TMPRSS11E: variants seen among roughly 807,000 people sequenced by gnomAD.
TMPRSS11E encodes transmembrane protease serine 11E.
In TMPRSS11E, 38 loss-of-function variants were observed where a neutral mutation model predicts 48.1. The observed-to-expected ratio is 0.79, with a 90% CI of 0.61 to 1.04. TMPRSS11E has a LOEUF of 1.04. Among genes scored for constraint, TMPRSS11E ranks in the 50% least tolerant of loss-of-function variants. TMPRSS11E has a pLI of 0.00. For missense variants in TMPRSS11E, 530 were observed against 510.8 expected (o/e 1.04, Z -0.36); for synonymous variants, 158 against 171.9 (o/e 0.92, Z 0.63).
At position 68,496,564 on chromosome 4, in the gene TMPRSS11E, C is replaced by T. The variant is rs1578149074; in HGVS notation, c.1111-79C>T. ...CTTTTGAAAATTACCCCTTTCATTACATTCTTAAGTTAGAAAAATAGCCAA... is the reference window on the plus strand; with the variant it reads ...CTTTTGAAAATTACCCCTTTCATTATATTCTTAAGTTAGAAAAATAGCCAA... On this transcript the variant is annotated intron_variant, in intron 9 of 9. Coordinates refer to ENST00000305363, the MANE Select transcript of TMPRSS11E (RefSeq NM_014058.4). The T allele has an allele frequency of 3.6e-6, 5 of 1,396,844 alleles. No homozygotes were observed. The East Asian group carries it at 1.2e-4, about 33-fold the overall frequency. 86.5% of individuals were successfully genotyped at this position (1,396,844 alleles called of 1,614,324 possible). A position where few individuals can be genotyped will look rare whatever the true frequency, so the allele number is the denominator to read the frequency against.
At chr4:68,452,747 G>A (rs1465721093) in intron 1 of TMPRSS11E, among the ~76,000 whole-genome samples, 5 of 151,940 alleles carry the variant, frequency 3.3e-5, no homozygotes, top group Non-Finnish European at 7.4e-5. Flanking sequence ...GATAATAAAT[G>A]AACACTTTAA....
At chr4:68,452,454 A>G (rs1205299576) in intron 1 of TMPRSS11E, among the ~76,000 whole-genome samples, 1 of 151,998 alleles carries the variant, frequency 6.6e-6, no homozygotes, top group Non-Finnish European at 1.5e-5. Context: ...GTACTTTACA[A>G]CACTGAGAAT....
chr4:68,463,131 A>G (rs1269888660), intron 2 of TMPRSS11E, among the ~76,000 whole-genome samples: 1 of 152,180 alleles, frequency 6.6e-6, no homozygotes, highest in Non-Finnish European at 1.5e-5. Context: ...TAACCTGGTT[A>G]TCTTCCTCTA....
intron 1 of TMPRSS11E, among the ~76,000 whole-genome samples, chr4:68,453,882 C>T (rs540011615): frequency 3.4e-5 from 5 of 148,478 alleles, no homozygotes; most frequent in Non-Finnish European, 5.9e-5. Context: ...AGCTTGATTA[C>T]GTGTCTTCCA....
chr4:68,488,699 C>T (rs1052510235), intron 9 of TMPRSS11E, among the ~76,000 whole-genome samples: 10 of 151,932 alleles, frequency 6.6e-5, no homozygotes, highest in African/African-American at 9.7e-5. Flanking sequence ...CCACCATGCC[C>T]GGCTAATTTT....
chr4:68,449,742 T>C (rs1728443328), intron 1 of TMPRSS11E, among the ~76,000 whole-genome samples: 2 of 151,806 alleles, frequency 1.3e-5, no homozygotes, highest in African/African-American at 4.8e-5. Flanking sequence ...AAAAGAAATG[T>C]GTAAGCCTGA....
intron 2 of TMPRSS11E, among the ~76,000 whole-genome samples, chr4:68,464,375 C>T (rs937221567): frequency 6.6e-6 from 1 of 152,130 alleles, no homozygotes; most frequent in African/African-American, 2.4e-5. Flanking sequence ...TGGTTCGTGT[C>T]TGGGGCCTTT....
intron 6 of TMPRSS11E, 150 bp downstream of exon 6, chr4:68,474,911 C>T: frequency 3.1e-6 from 2 of 648,276 alleles, no homozygotes; most frequent in Non-Finnish European, 5.1e-6. Context: ...TTTATCATAT[C>T]TTGGAGATAC....
chr4:68,474,681 C>T (rs749442075), intron 5 of TMPRSS11E, 42 bp from the exon 6 acceptor site: 11 of 1,591,428 alleles, frequency 6.9e-6, no homozygotes, highest in Non-Finnish European at 9.4e-6. Flanking sequence ...CATAGTGTAA[C>T]TCTGATGTGC....
intron 9 of TMPRSS11E, among the ~76,000 whole-genome samples, chr4:68,489,445 G>A (rs1349896967): frequency 2.0e-5 from 3 of 152,276 alleles, no homozygotes; most frequent in South Asian, 2.1e-4. Context: ...GCTCACATAC[G>A]TGCTGGTCGT....
At position 68,489,197 on chromosome 4, in the gene TMPRSS11E, C is replaced by A. The variant is rs745894265; in HGVS notation, c.1111-7446C>A. ...GGTATTAGTTGTGCTTAGTTAATTT[C>A]ATTCGTTTTTGGATGATTTCAGGGG... On this transcript the variant is annotated intron_variant, in intron 9 of 9. Coordinates refer to ENST00000305363, the MANE Select transcript of TMPRSS11E (RefSeq NM_014058.4). 1.4e-4 allele frequency among the ~76,000 whole-genome samples: 21 copies of A among 152,234 alleles called. No homozygotes were observed. In the South Asian group the frequency reaches 2.9e-3, roughly 21 times the overall value.
rs1044206325 is a variant in TMPRSS11E, at chr4:68,483,825, G to T, written c.1110+4834G>T. 3.3e-5 allele frequency among the ~76,000 whole-genome samples: 5 copies of T among 152,130 alleles called. No homozygotes were observed. In the East Asian group the frequency reaches 5.8e-4, roughly 18 times the overall value. On this transcript the variant is annotated intron_variant, in intron 9 of 9. Transcript: ENST00000305363. Reference sequence around the variant, plus strand: ...GATTTTTGTATATGGTGAAAGAAAGGGGTTCAGTTTTAATTTTTTGCATAT... The same window carrying T: ...GATTTTTGTATATGGTGAAAGAAAGTGGTTCAGTTTTAATTTTTTGCATAT...
chr4:68,451,257 C>T (rs1728489578), intron 1 of TMPRSS11E, among the ~76,000 whole-genome samples: 1 of 151,818 alleles, frequency 6.6e-6, no homozygotes. Flanking sequence ...TTTGGATCTG[C>T]TCTCATTGAA....
chr4:68,462,802 A>G (rs1342434495), intron 2 of TMPRSS11E, among the ~76,000 whole-genome samples: 1 of 152,170 alleles, frequency 6.6e-6, no homozygotes, highest in Non-Finnish European at 1.5e-5. Context: ...CAAGAAAGCT[A>G]ATTATAAAGA....
At position 68,474,710 on chromosome 4, in the gene TMPRSS11E, CTG is replaced by C; in HGVS notation, c.491-7_491-6del. 1.2e-6 allele frequency: 2 copies of C among 1,606,626 alleles called. No individual in the cohort carries two copies. The highest frequency in any genetic ancestry group is 1.3e-5 in the African/African-American group (1 of 74,600). On this transcript the variant is annotated splice_polypyrimidine_tract_variant and intron_variant, in intron 5 of 9. Transcript: ENST00000305363. ...GATGTGCTGACCCTATTTGCCATTT[CTG>C]TGTGTTTCAGAAATCAACAAGACAG... is the stretch of plus-strand genomic sequence containing the variant.
Position 68,464,731 on chromosome 4 carries a change from A to C in TMPRSS11E, c.137-1900A>C, listed in dbSNP as rs376878371. Reference sequence around the variant, plus strand: ...TACTAATGGTGATTTTAAATCATTCAATCTAATAAGCCAAAAAACTACATT... The same window carrying C: ...TACTAATGGTGATTTTAAATCATTCCATCTAATAAGCCAAAAAACTACATT... On this transcript the variant is annotated intron_variant, in intron 2 of 9. Coordinates refer to ENST00000305363, the MANE Select transcript of TMPRSS11E (RefSeq NM_014058.4). Among the ~76,000 whole-genome samples the C allele has an allele frequency of 9.6e-4, 146 of 152,322 alleles. 3 individuals carry two copies. The South Asian group carries it at 0.029, about 31-fold the overall frequency.
chr4:68,481,594 G>C (rs1447789500), intron 9 of TMPRSS11E, among the ~76,000 whole-genome samples: 1 of 152,116 alleles, frequency 6.6e-6, no homozygotes, highest in Non-Finnish European at 1.5e-5. Context: ...TTGGCTGCTT[G>C]TGTGTCTTCA....
At chr4:68,463,337 C>A (rs1728844527) in intron 2 of TMPRSS11E, among the ~76,000 whole-genome samples, 1 of 151,990 alleles carries the variant, frequency 6.6e-6, no homozygotes, top group Admixed American at 6.6e-5. Flanking sequence ...GAGTCTTGGT[C>A]TGTTCCCAGG....
At chr4:68,454,286 G>A (rs867113997) in intron 1 of TMPRSS11E, among the ~76,000 whole-genome samples, 2 of 151,780 alleles carry the variant, frequency 1.3e-5, no homozygotes, top group African/African-American at 4.8e-5. Flanking sequence ...TGAATTAAAC[G>A]CATGGACATT....
Sources: allele counts gnomAD v4.1 joint callset (sites outside exome capture counted in the v4.1 genomes callset), GRCh38; gene constraint gnomAD v4.1.1; transcripts MANE v1.5; gene names NCBI Gene and HGNC (gene_info 2026-07-23, HGNC 2026-07-21).